The following PHLDB1 variants were observed in gnomAD, a reference collection of about 807,000 sequenced individuals.
PHLDB1 encodes the protein pleckstrin homology-like domain family B member 1.
Under a neutral mutation model 139.3 loss-of-function variants are expected in PHLDB1, and 65 were observed. The ratio of observed to expected loss-of-function variants is 0.47; its 90% CI spans 0.38 to 0.57. PHLDB1 has a LOEUF of 0.57. PHLDB1 is among the 20% of genes least tolerant of loss of function. The pLI is 0.00. For synonymous variants in PHLDB1, 679 were observed against 734.5 expected, an observed-to-expected ratio of 0.92 and a Z score of 1.22; for missense variants, 1,624 against 1,839.7, an observed-to-expected ratio of 0.88 and a Z score of 2.14.
intron 6 of PHLDB1, 104 bp downstream of exon 6, chr11:118,628,754 G>A (rs1565438177): frequency 6.7e-6 from 7 of 1,038,342 alleles, no homozygotes; most frequent in Non-Finnish European, 9.6e-6. Context: ...ACAGGGCTTC[G>A]GCTTCTCAAG....
In PHLDB1 at chr11:118,627,954, C is replaced by T; in HGVS notation, c.1131C>T (p.Ser377=). 1 of 1,613,778 alleles carries T rather than the reference C, an allele frequency of 6.2e-7. No homozygotes were observed. Among genetic ancestry groups the T allele is most frequent in the South Asian group, 1.1e-5 (1 of 91,082 alleles). Residue 377 remains serine (S), a synonymous_variant, in exon 6 of 23, where the codon AGC becomes AGT. Coordinates refer to ENST00000600882, the MANE Select transcript of PHLDB1 (RefSeq NM_001144758.3). ...PASGALSQPT[S]IPGSPKFQPP... The stretch of plus-strand genomic sequence containing the variant: ...CTGGTGCTCTCAGTCAACCCACCAG[C>T]ATTCCTGGCAGCCCCAAGTTTCAGC...
intron 12 of PHLDB1, 97 bp from the exon 13 acceptor site, chr11:118,642,157 C>G (rs1555121596): frequency 8.8e-7 from 1 of 1,138,674 alleles, no homozygotes; most frequent in Non-Finnish European, 1.3e-6. Flanking sequence ...TTTCTTCTTT[C>G]TCCCTTCTCC....
chr11:118,639,308 G>C (rs1555118434), intron 12 of PHLDB1, 57 bp downstream of exon 12: 1 of 1,301,614 alleles, frequency 7.7e-7, no homozygotes, highest in African/African-American at 1.4e-5. Flanking sequence ...GGGAGGCTCT[G>C]AGTAACACAT....
upstream of PHLDB1, among the ~76,000 whole-genome samples, chr11:118,607,399 C>G (rs1302531267): frequency 3.7e-5 from 5 of 136,386 alleles, no homozygotes; most frequent in Non-Finnish European, 7.9e-5. Context: ...GGTGGAGAGC[C>G]CAGCTGCAAA....
At chr11:118,646,098 A>C (rs1947467801) in intron 17 of PHLDB1, among the ~76,000 whole-genome samples, 1 of 152,108 alleles carries the variant, frequency 6.6e-6, no homozygotes, top group African/African-American at 2.4e-5. Flanking sequence ...GTCTCTACTG[A>C]AAATACAAAA....
intron 15 of PHLDB1, chr11:118,644,649 G>C (rs567239716): frequency 4.7e-6 from 6 of 1,289,290 alleles, no homozygotes; most frequent in Non-Finnish European, 6.1e-6. Context: ...CACGCCAGTC[G>C]AGTCGCTTCC....
chr11:118,616,093 C>T lies in PHLDB1; in HGVS notation c.237C>T (p.Gly79=). Residue 79 remains glycine, a synonymous_variant, in exon 4 of 23, where the codon GGC becomes GGT. Coordinates refer to ENST00000600882, the MANE Select transcript of PHLDB1 (RefSeq NM_001144758.3). The part of the protein sequence containing the change: ...AARDISLQGP[G]LAPEHCYIEN... ...GAGACATCTCACTACAGGGCCCAGG[C>T]CTGGCTCCAGAGCACTGCTACATCG... 6.2e-7 allele frequency: 1 copy of T among 1,614,056 alleles called. No individual in the cohort carries two copies. The highest frequency in any genetic ancestry group is 8.5e-7 in the Non-Finnish European group (1 of 1,179,914).
In PHLDB1 at chr11:118,645,307, C is replaced by T. The variant is rs1010451158; in HGVS notation, c.3122-49C>T. On this transcript the variant is annotated intron_variant, in intron 15 of 22. Transcript: ENST00000600882. The surrounding 1 kb of genome is among the most constrained non-coding windows in gnomAD (Gnocchi z 5.1). ...GTGTTGTGCTGCCAGTGGCCTGCTC[C>T]TTAGCTGCGTGGGGAGCCCACTGTG... 1 of 1,447,334 alleles carries T rather than the reference C, an allele frequency of 6.9e-7. No individual in the cohort carries two copies. The highest frequency in any genetic ancestry group is 1.4e-5 in the African/African-American group (1 of 70,342). 89.7% of individuals were successfully genotyped at this position (1,447,334 alleles called of 1,614,324 possible).
At chr11:118,642,048 C>G in intron 12 of PHLDB1, 8 of 627,994 alleles carry the variant, frequency 1.3e-5, no homozygotes, top group East Asian at 5.7e-5. Context: ...TCTTGATGCT[C>G]TCCTTTCTCC....
intron 20 of PHLDB1, chr11:118,651,259 G>A (rs1948297581): frequency 1.3e-5 from 2 of 152,274 alleles, no homozygotes; most frequent in Admixed American, 1.3e-4. Context: ...GGAGGCCAAG[G>A]TGGGCAGATA....
Position 118,645,508 on chromosome 11 carries a change from C to T in PHLDB1, c.3274C>T (p.Leu1092=). ...CCCCCCTCTCATGCACCACTCTATC[C>T]TACACCACCTGCCTGCGGGGCGGGA... ...GFPPLMHHSI[L]HHLPAGRERG... is the part of the protein sequence containing the mutation. Residue 1092 remains leucine (L), a synonymous_variant, in exon 16 of 23, where the codon CTA becomes TTA. Transcript: ENST00000600882. The surrounding 1 kb of genome is among the most constrained non-coding windows in gnomAD (Gnocchi z 5.1). 1.2e-6 allele frequency: 2 copies of T among 1,612,760 alleles called. No individual in the cohort carries two copies. Among genetic ancestry groups the T allele is most frequent in the Non-Finnish European group, 1.7e-6 (2 of 1,179,404 alleles).
rs1322238755 is a variant in PHLDB1, at chr11:118,650,643, G to C, written c.3874+96G>C. ...TTCTAGAAGGAGGCCAAGCTTCCAAGTAGGGGACCAGAGTCTTGGGCTAGG... is the reference window on the plus strand; with the variant it reads ...TTCTAGAAGGAGGCCAAGCTTCCAACTAGGGGACCAGAGTCTTGGGCTAGG... On this transcript the variant is annotated intron_variant, in intron 20 of 22. Transcript: ENST00000600882. The surrounding 1 kb of genome is among the most constrained non-coding windows in gnomAD (Gnocchi z 4.7). 7 of 823,192 alleles carry C rather than the reference G, an allele frequency of 8.5e-6. No homozygotes were observed. In the Admixed American group the frequency reaches 1.3e-4, roughly 15 times the overall value. The allele number at this position is 823,192 out of a possible 1,614,324, so 51.0% of individuals were successfully genotyped here.
intron 13 of PHLDB1, among the ~76,000 whole-genome samples, chr11:118,642,917 G>A (rs189957048): frequency 3.3e-5 from 5 of 152,340 alleles, no homozygotes; most frequent in East Asian, 3.9e-4. Flanking sequence ...CATGGAGGGC[G>A]TGGGCCTACC....
chr11:118,635,064 G>C, intron 9 of PHLDB1: 1 of 490,322 alleles, frequency 2.0e-6, no homozygotes, highest in South Asian at 1.7e-5. Flanking sequence ...CAGTTCCACC[G>C]CCCCCCCTCC....
At chr11:118,616,906 G>A (rs896422857) in intron 4 of PHLDB1, among the ~76,000 whole-genome samples, 1 of 152,078 alleles carries the variant, frequency 6.6e-6, no homozygotes, top group Admixed American at 6.6e-5. Context: ...TTAGCCACAC[G>A]TGGTGGCACA....
At chr11:118,635,933 T>A (rs938621958) in intron 10 of PHLDB1, among the ~76,000 whole-genome samples, 1 of 152,208 alleles carries the variant, frequency 6.6e-6, no homozygotes, top group African/African-American at 2.4e-5. Flanking sequence ...ATTTGAGATC[T>A]GGATATTAGA....
chr11:118,650,617 C>G lies in PHLDB1; in HGVS notation c.3874+70C>G. On this transcript the variant is annotated intron_variant, in intron 20 of 22. Coordinates refer to ENST00000600882, the MANE Select transcript of PHLDB1 (RefSeq NM_001144758.3). This position sits in a 1 kb window ranked among gnomAD's most constrained non-coding sequence, Gnocchi z 4.7. ...GGCTCTGTTACCCAGGACGGCTGGT[C>G]TTCTAGAAGGAGGCCAAGCTTCCAA... 1 of 1,101,228 alleles carries G rather than the reference C, an allele frequency of 9.1e-7. No homozygotes were observed. Among genetic ancestry groups the G allele is most frequent in the Non-Finnish European group, 1.4e-6 (1 of 716,930 alleles). 68.2% of individuals were successfully genotyped at this position (1,101,228 alleles called of 1,614,324 possible).
rs144246903 is a variant in PHLDB1, at chr11:118,628,229, T to C, written c.1406T>C (p.Leu469Pro). ...AGTCCATCTCTGTCCCGGCGAGCTC[T>C]CTCCCCGCTGCCCACCCGGACCACC... ...PLSPSLSRRA[L>P]SPLPTRTTPD... The change falls in exon 6 of 23, where the codon CTC becomes CCC. Residue 469 changes from leucine (L) to proline (P), a missense_variant. Coordinates refer to ENST00000600882, the MANE Select transcript of PHLDB1 (RefSeq NM_001144758.3). 7.0e-5 allele frequency: 113 copies of C among 1,613,910 alleles called. No homozygotes were observed. The African/African-American group carries it at 1.4e-3, about 20-fold the overall frequency.
chr11:118,615,433 C>G (rs1941431960), intron 3 of PHLDB1, among the ~76,000 whole-genome samples: 1 of 152,102 alleles, frequency 6.6e-6, no homozygotes, highest in Admixed American at 6.5e-5. Context: ...TCAGCTTCTG[C>G]CCGCCCTCTC....
Sources: allele counts gnomAD v4.1 joint callset (sites outside exome capture counted in the v4.1 genomes callset), GRCh38; gene constraint gnomAD v4.1.1; non-coding constraint Gnocchi (gnomAD v3.1); transcripts MANE v1.5; gene names NCBI Gene and HGNC (gene_info 2026-07-23, HGNC 2026-07-21).